Variants in TNIK observed in about 807,000 individuals in gnomAD.
TNIK encodes the protein TRAF2 and NCK-interacting protein kinase.
In TNIK, 49 loss-of-function variants were observed where a neutral mutation model predicts 191.3. That is an observed-to-expected ratio of 0.26 (90% confidence interval 0.20 to 0.32). The LOEUF (loss-of-function observed/expected upper bound fraction) is 0.32. Ranked by LOEUF, TNIK falls within the 10% of genes least tolerant of loss-of-function variation. The pLI is 1.00. For synonymous variants in TNIK, 594 were observed against 600.9 expected (o/e 0.99, Z 0.17); for missense variants, 1,155 against 1,702.3 (o/e 0.68, Z 5.66).
At chr3:171,132,893 C>T (rs1237238419) in intron 15 of TNIK, among the ~76,000 whole-genome samples, 2 of 152,172 alleles carry the variant, frequency 1.3e-5, no homozygotes, top group Non-Finnish European at 2.9e-5. Flanking sequence ...TGGGTATTCT[C>T]TTTTTTTCCC....
rs769724807 is a variant in TNIK at position 171,101,496 on chromosome 3, G to A, written c.2544C>T (p.Ser848=). The A allele has an allele frequency of 1.1e-5, 17 of 1,613,108 alleles. No homozygotes were observed. Among genetic ancestry groups the A allele is most frequent in the South Asian group, 4.4e-5 (4 of 91,022 alleles). Residue 848 remains serine, a synonymous_variant, in exon 22 of 33, where the codon AGC becomes AGT. Transcript: ENST00000436636. ...CAGCCACTGTCCCATCATGGGTCTC[G>A]CTCTCTCCATCTTCCTCCTCTTCCT... The part of the protein sequence containing the change: ...SSEEEEEDGE[S]ETHDGTVAVS...
At chr3:171,120,206 G>A (rs1222143532) in intron 18 of TNIK, among the ~76,000 whole-genome samples, 3 of 152,224 alleles carry the variant, frequency 2.0e-5, no homozygotes, top group Admixed American at 1.3e-4. Flanking sequence ...ACATTCTGCA[G>A]TTACTAGAAA....
At chr3:171,180,453 A>T (rs1255664873) in intron 7 of TNIK, among the ~76,000 whole-genome samples, 2 of 152,190 alleles carry the variant, frequency 1.3e-5, no homozygotes, top group Non-Finnish European at 2.9e-5. Context: ...CCTCTAACAC[A>T]CATACATAAG....
chr3:171,425,573 C>A (rs1194310859), intron 1 of TNIK, among the ~76,000 whole-genome samples: 4 of 152,068 alleles, frequency 2.6e-5, no homozygotes, highest in African/African-American at 9.7e-5. Context: ...CGCCTGTAAT[C>A]CCAGCACTTT....
chr3:171,458,172 C>G (rs1273784276), intron 1 of TNIK, among the ~76,000 whole-genome samples: 3 of 139,988 alleles, frequency 2.1e-5, no homozygotes, highest in African/African-American at 7.7e-5. Flanking sequence ...GACCTCCGAC[C>G]GATTCGCAGC....
intron 2 of TNIK, among the ~76,000 whole-genome samples, chr3:171,335,071 T>C (rs1028997415): frequency 1.3e-5 from 2 of 150,488 alleles, no homozygotes; most frequent in Non-Finnish European, 3.0e-5. Context: ...AACCAATCAC[T>C]AGCAACCTTC....
intron 2 of TNIK, among the ~76,000 whole-genome samples, chr3:171,299,496 C>A (rs1182949255): frequency 5.9e-5 from 9 of 152,182 alleles, no homozygotes; most frequent in Admixed American, 5.2e-4. Flanking sequence ...CACACTGCAG[C>A]TTGGGCATTG....
intron 1 of TNIK, among the ~76,000 whole-genome samples, chr3:171,444,286 T>A (rs2108701196): frequency 6.6e-6 from 1 of 152,336 alleles, no homozygotes; most frequent in South Asian, 2.1e-4. Context: ...CTGTGGGATT[T>A]CCCAGTAAGG....
intron 28 of TNIK, among the ~76,000 whole-genome samples, chr3:171,073,071 A>G (rs1719410125): frequency 6.6e-6 from 1 of 152,214 alleles, no homozygotes; most frequent in Admixed American, 6.5e-5. Context: ...TATGGAACCA[A>G]AAAAGAGCCC....
intron 12 of TNIK, among the ~76,000 whole-genome samples, chr3:171,150,629 G>A (rs143458564): frequency 1.3e-5 from 2 of 152,260 alleles, no homozygotes; most frequent in Non-Finnish European, 2.9e-5. Context: ...CCATCAGAAG[G>A]CAGTTTCTCC....
chr3:171,223,663 G>A (rs912485049), intron 3 of TNIK, among the ~76,000 whole-genome samples: 3 of 152,276 alleles, frequency 2.0e-5, no homozygotes, highest in Admixed American at 2.0e-4. Flanking sequence ...CATGGAACCT[G>A]CTTGGTTAGC....
chr3:171,261,270 CT>C (rs1360470365), intron 2 of TNIK, among the ~76,000 whole-genome samples: 3 of 152,152 alleles, frequency 2.0e-5, no homozygotes, highest in African/African-American at 7.2e-5. Flanking sequence ...ATTGCCTTCC[CT>C]TTTTTTGCTT....
rs561262638 is a variant in TNIK, at chr3:171,347,128, C to G, written c.123+22492G>C. The G allele has an allele frequency of 2.0e-6, 3 of 1,505,654 alleles. No homozygotes were observed. In the South Asian group the frequency reaches 3.8e-5, roughly 19 times the overall value. The allele number at this position is 1,505,654 out of a possible 1,614,324, so 93.3% of individuals were successfully genotyped here. A position where few individuals can be genotyped will look rare whatever the true frequency, so the allele number is the denominator to read the frequency against. On this transcript the variant is annotated intron_variant, in intron 2 of 32. Transcript: ENST00000436636. ...CATTTAGGAAATAGGATCAGCTGGG[C>G]TTGGTGATGAAATTCAGGAGATGAT...
At chr3:171,098,386 A>G (rs1723013157) in intron 22 of TNIK, among the ~76,000 whole-genome samples, 1 of 152,200 alleles carries the variant, frequency 6.6e-6, no homozygotes, top group African/African-American at 2.4e-5. Flanking sequence ...TATATTACCC[A>G]GAGGTAATCA....
intron 1 of TNIK, among the ~76,000 whole-genome samples, chr3:171,456,735 T>C (rs754924698): frequency 3.0e-4 from 46 of 152,242 alleles, no homozygotes; most frequent in Non-Finnish European, 4.3e-4. Context: ...TTGCATGAAG[T>C]AGTTTCGCCA....
intron 18 of TNIK, among the ~76,000 whole-genome samples, chr3:171,111,297 CCCACTTA>C (rs1725822446): frequency 6.6e-6 from 1 of 152,078 alleles, no homozygotes; most frequent in African/African-American, 2.4e-5. Context: ...TGCCTGTCCT[CCCACTTA>C]CATGAGAGGC....
intron 2 of TNIK, among the ~76,000 whole-genome samples, chr3:171,270,470 G>A (rs1375253613): frequency 6.6e-6 from 1 of 152,124 alleles, no homozygotes; most frequent in Non-Finnish European, 1.5e-5. Flanking sequence ...AATGCCTGGT[G>A]ACTTCTCCAA....
chr3:171,144,979 TACC>T (rs1458038537), intron 12 of TNIK, among the ~76,000 whole-genome samples: 5 of 152,238 alleles, frequency 3.3e-5, no homozygotes, highest in African/African-American at 1.2e-4. Flanking sequence ...TGTATGTAAG[TACC>T]ACATTTTCTT....
intron 2 of TNIK, among the ~76,000 whole-genome samples, chr3:171,295,955 G>C (rs1364657296): frequency 1.3e-5 from 2 of 152,234 alleles, no homozygotes; most frequent in East Asian, 3.8e-4. Flanking sequence ...TTTGGCTCAG[G>C]ACATGTAACT....
Sources: gnomAD v4.1 joint callset for allele counts (sites outside exome capture counted in the v4.1 genomes callset) on GRCh38, gnomAD v4.1.1 for gene constraint, MANE v1.5 for transcripts, NCBI Gene and HGNC (gene_info 2026-07-23, HGNC 2026-07-21) for gene names.